GABRG3: variants seen among roughly 807,000 people sequenced by gnomAD.
GABRG3 encodes the protein gamma-aminobutyric acid type A receptor subunit gamma3.
In GABRG3, 25 loss-of-function variants were observed where a neutral mutation model predicts 48.8. The ratio of observed to expected loss-of-function variants is 0.51; its 90% CI spans 0.37 to 0.72. GABRG3 has a LOEUF of 0.72. Ranked by LOEUF, GABRG3 falls within the 30% of genes least tolerant of loss-of-function variation. GABRG3 has a pLI of 0.00. For missense variants in GABRG3, 394 were observed against 577.9 expected (o/e 0.68, Z 3.26); for synonymous variants, 227 against 217.6 (o/e 1.04, Z -0.38).
intron 3 of GABRG3, among the ~76,000 whole-genome samples, chr15:27,150,859 G>T (rs1898298710): frequency 6.6e-6 from 1 of 152,178 alleles, no homozygotes; most frequent in African/African-American, 2.4e-5. Context: ...AGAGAAGAGA[G>T]AATTTGGTCA....
At chr15:27,203,276 TATAAGTG>T (rs774886768) in intron 3 of GABRG3, among the ~76,000 whole-genome samples, 4 of 152,176 alleles carry the variant, frequency 2.6e-5, no homozygotes, top group African/African-American at 4.8e-5. Context: ...AGCTCCCACT[TATAAGTG>T]ATAACACGCA....
chr15:27,403,756 TA>T (rs1296463808), intron 5 of GABRG3, among the ~76,000 whole-genome samples: 1 of 147,862 alleles, frequency 6.8e-6, no homozygotes, highest in African/African-American at 2.5e-5. Flanking sequence ...CTACTAAAAA[TA>T]AAAAATTAGC....
chr15:27,335,440 G>A (rs1189560095), intron 5 of GABRG3, among the ~76,000 whole-genome samples: 1 of 152,132 alleles, frequency 6.6e-6, no homozygotes, highest in African/African-American at 2.4e-5. Context: ...CCATCCTAGT[G>A]GATGAGAAAT....
chr15:27,527,794 G>A, intron 8 of GABRG3, 139 bp from the exon 9 acceptor site: 2 of 959,200 alleles, frequency 2.1e-6, no homozygotes, highest in Non-Finnish European at 3.2e-6. Context: ...AGATGTGAAT[G>A]TGACTCTAAG....
rs1372751495 is a variant in GABRG3 at position 26,976,576 on chromosome 15, A to G, written c.54-426A>G. On this transcript the variant is annotated intron_variant, in intron 1 of 9. Coordinates refer to ENST00000615808, the MANE Select transcript of GABRG3 (RefSeq NM_033223.5). This position sits in a 1 kb window ranked among gnomAD's most constrained non-coding sequence, Gnocchi z 7.8. ...CAAAAGCTAATCTCACCTTCAACGA[A>G]AATGAGGTCTTGGTGGTCAGGGTGG... Among the ~76,000 whole-genome samples the G allele has an allele frequency of 2.0e-5, 3 of 152,140 alleles. No individual in the cohort carries two copies. Among genetic ancestry groups the G allele is most frequent in the African/African-American group, 7.2e-5 (3 of 41,428 alleles).
In GABRG3 at chr15:27,354,992, GAGA is replaced by G. The variant is rs201989469; in HGVS notation, c.574+26107_574+26109del. Reference sequence around the variant, plus strand: ...TTCTGGTTCTAATCGGAGGATCATTGAGAAGGAGAGAGCTCTGCCAATAATTAT... The same window carrying G: ...TTCTGGTTCTAATCGGAGGATCATTGAGGAGAGAGCTCTGCCAATAATTAT... On this transcript the variant is annotated intron_variant, in intron 5 of 9. Transcript: ENST00000615808. Among the ~76,000 whole-genome samples, 553 of 152,290 alleles carry G rather than the reference GAGA, an allele frequency of 3.6e-3. 2 individuals are homozygous for G. Among genetic ancestry groups the G allele is most frequent in the African/African-American group, 0.012 (506 of 41,562 alleles).
intron 5 of GABRG3, among the ~76,000 whole-genome samples, chr15:27,380,616 CT>C: frequency 6.6e-6 from 1 of 152,150 alleles, no homozygotes; most frequent in East Asian, 1.9e-4. Context: ...CTCTAGCATC[CT>C]TGTTTGGTCT....
chr15:27,248,803 C>CACACACAGAGAGAGAG (rs1377080195), intron 3 of GABRG3, among the ~76,000 whole-genome samples: 35 of 110,224 alleles, frequency 3.2e-4, no homozygotes, highest in African/African-American at 1.3e-3. Context: ...CACACACACA[C>CACACACAGAGAGAGAG]AGAGAGAGAG....
chr15:27,351,683 TG>T (rs1445451745), intron 5 of GABRG3, among the ~76,000 whole-genome samples: 24 of 151,064 alleles, frequency 1.6e-4, no homozygotes, highest in African/African-American at 5.6e-4. Flanking sequence ...TGTGTTTGTG[TG>T]TATGGTCTGT....
intron 3 of GABRG3, among the ~76,000 whole-genome samples, chr15:27,266,193 T>TC (rs1448769503): frequency 6.7e-6 from 1 of 148,548 alleles, no homozygotes; most frequent in Non-Finnish European, 1.5e-5. Flanking sequence ...ATTTTTTTTT[T>TC]CTGGAAGTTT....
At chr15:27,059,175 G>A (rs1263166406) in intron 3 of GABRG3, among the ~76,000 whole-genome samples, 2 of 152,180 alleles carry the variant, frequency 1.3e-5, no homozygotes, top group Non-Finnish European at 2.9e-5. Flanking sequence ...CTCCCAACAC[G>A]AGGCTGCAAA....
intron 3 of GABRG3, among the ~76,000 whole-genome samples, chr15:27,136,901 C>A (rs1898018512): frequency 6.6e-6 from 1 of 152,084 alleles, no homozygotes; most frequent in Non-Finnish European, 1.5e-5. Flanking sequence ...GTCGCCCCCG[C>A]CTCCAGGTCA....
rs185669524 is a variant in GABRG3, at chr15:27,063,549, C to T, written c.270+36728C>T. On this transcript the variant is annotated intron_variant, in intron 3 of 9. Coordinates refer to ENST00000615808, the MANE Select transcript of GABRG3 (RefSeq NM_033223.5). ...CTTGCTCTGCCCTGACCATGTGATG[C>T]GCCTTCTGCCCGTGACTGAAAGGAA... Among the ~76,000 whole-genome samples the T allele has an allele frequency of 2.2e-4, 33 of 152,336 alleles. No homozygotes were observed. The East Asian group carries it at 5.6e-3, about 26-fold the overall frequency.
intron 3 of GABRG3, among the ~76,000 whole-genome samples, chr15:27,226,641 G>A (rs749992302): frequency 8.6e-5 from 13 of 151,686 alleles, no homozygotes; most frequent in Non-Finnish European, 1.3e-4. Flanking sequence ...CCCAGCAAAC[G>A]GGCACTATGC....
At chr15:27,023,053 A>T (rs887420599) in intron 2 of GABRG3, among the ~76,000 whole-genome samples, 3 of 152,220 alleles carry the variant, frequency 2.0e-5, no homozygotes, top group African/African-American at 4.8e-5. Context: ...CTTCTCAGAC[A>T]TACTAATTCT....
chr15:27,139,930 C>G (rs188982197), intron 3 of GABRG3, among the ~76,000 whole-genome samples: 24 of 152,168 alleles, frequency 1.6e-4, no homozygotes, highest in African/African-American at 5.1e-4. Flanking sequence ...TCAATCATAC[C>G]CACATAGTGA....
chr15:27,121,221 A>T (rs1051373430), intron 3 of GABRG3, among the ~76,000 whole-genome samples: 4 of 152,176 alleles, frequency 2.6e-5, no homozygotes, highest in Non-Finnish European at 5.9e-5. Flanking sequence ...GAAGCTGGTT[A>T]ATTTTCTCAC....
At chr15:27,378,716 A>G (rs948321009) in intron 5 of GABRG3, among the ~76,000 whole-genome samples, 35 of 152,364 alleles carry the variant, frequency 2.3e-4, no homozygotes, top group African/African-American at 7.9e-4. Flanking sequence ...CTGATTACTA[A>G]TGTTTAGGCC....
intron 3 of GABRG3, among the ~76,000 whole-genome samples, chr15:27,190,081 T>C (rs955206638): frequency 1.4e-4 from 21 of 152,224 alleles, no homozygotes; most frequent in Non-Finnish European, 2.9e-4. Flanking sequence ...GAAGCCCACT[T>C]GATCATGGTG....
Sources: allele counts gnomAD v4.1 joint callset (sites outside exome capture counted in the v4.1 genomes callset), GRCh38; gene constraint gnomAD v4.1.1; non-coding constraint Gnocchi (gnomAD v3.1); transcripts MANE v1.5; gene names NCBI Gene and HGNC (gene_info 2026-07-23, HGNC 2026-07-21).